Variants in DNAH14 observed in about 807,000 individuals in gnomAD.
DNAH14 encodes dynein axonemal heavy chain 14.
Under a neutral mutation model 520.9 loss-of-function variants are expected in DNAH14, and 478 were observed. The ratio of observed to expected loss-of-function variants is 0.92; its 90% CI spans 0.85 to 0.99. The LOEUF is 0.99. DNAH14 is among the 50% of genes least tolerant of loss of function. DNAH14 has a pLI of 0.00. For missense variants in DNAH14, 4,831 were observed against 5,234.5 expected (o/e 0.92, Z 2.38); for synonymous variants, 1,581 against 1,757.2 (o/e 0.90, Z 2.51).
intron 28 of DNAH14, among the ~76,000 whole-genome samples, chr1:225,142,611 T>C (rs1005220406): frequency 1.3e-5 from 2 of 152,110 alleles, no homozygotes; most frequent in Non-Finnish European, 2.9e-5. Context: ...AATAGGCATA[T>C]CTCATTAAGT....
intron 54 of DNAH14, among the ~76,000 whole-genome samples, chr1:225,283,677 C>T (rs574113607): frequency 6.8e-4 from 103 of 152,120 alleles, no homozygotes; most frequent in African/African-American, 2.4e-3. Flanking sequence ...TATAGTAAAA[C>T]AACTTGAACT....
chr1:225,230,657 A>G (rs1397505845), intron 41 of DNAH14, among the ~76,000 whole-genome samples: 1 of 152,152 alleles, frequency 6.6e-6, no homozygotes, highest in East Asian at 1.9e-4. Flanking sequence ...TTGTTTTAAT[A>G]AATTTGTTAC....
At chr1:225,177,551 A>G (rs2083463846) in intron 36 of DNAH14, among the ~76,000 whole-genome samples, 1 of 152,144 alleles carries the variant, frequency 6.6e-6, no homozygotes, top group African/African-American at 2.4e-5. Flanking sequence ...CTAGGAAGAA[A>G]AAATGGTTTC....
chr1:225,337,996 CTT>C, intron 67 of DNAH14, 63 bp from the exon 68 acceptor site: 3 of 1,294,584 alleles, frequency 2.3e-6, no homozygotes, highest in Non-Finnish European at 2.0e-6. Flanking sequence ...TTTATTGCTG[CTT>C]TTTTTTTTCA....
chr1:225,212,112 G>A (rs944422593), intron 41 of DNAH14, among the ~76,000 whole-genome samples: 13 of 133,402 alleles, frequency 9.7e-5, no homozygotes, highest in Non-Finnish European at 1.8e-4. Flanking sequence ...TGTGTCAAGT[G>A]TTCTCATTGT....
chr1:225,008,076 C>T (rs978657373), intron 10 of DNAH14, among the ~76,000 whole-genome samples: 1 of 151,748 alleles, frequency 6.6e-6, no homozygotes, highest in African/African-American at 2.4e-5. Context: ...CCTCCCCTTA[C>T]CCCCAACCCC....
intron 41 of DNAH14, among the ~76,000 whole-genome samples, chr1:225,221,437 C>G (rs12064759): frequency 0.021 from 3,237 of 152,138 alleles, 90 homozygotes; most frequent in African/African-American, 0.063. Context: ...CCAGAATCCA[C>G]AAGGAACTTA....
chr1:225,190,744 C>CAGTT (rs2085319666), intron 37 of DNAH14, among the ~76,000 whole-genome samples: 1 of 151,976 alleles, frequency 6.6e-6, no homozygotes, highest in African/African-American at 2.4e-5. Flanking sequence ...AGTGAGAAGG[C>CAGTT]AGTTATCAGC....
chr1:225,252,330 A>G lies in DNAH14; in HGVS notation c.6778A>G (p.Ile2260Val), dbSNP rs982148432. The G allele has an allele frequency of 6.5e-7, 1 of 1,549,866 alleles. No homozygotes were observed. Among genetic ancestry groups the G allele is most frequent in the Non-Finnish European group, 8.7e-7 (1 of 1,145,910 alleles). ...GINLPTGECSIFGYFVDIEQC... is the reference protein window; with the variant it reads ...GINLPTGECSVFGYFVDIEQC... ...CAACCTACCAACTGGTGAATGTTCC[A>G]TCTTTGGATATTTTGTGGATATAGA... The change falls in exon 44 of 86, where the codon ATC becomes GTC. Residue 2260 changes from isoleucine to valine, a missense_variant. Transcript: ENST00000682510.
chr1:225,352,013 G>T (rs2095371561), intron 72 of DNAH14, 130 bp downstream of exon 72: 1 of 671,408 alleles, frequency 1.5e-6, no homozygotes, highest in South Asian at 2.0e-5. Context: ...TACATTTTCA[G>T]CATGCACATG....
intron 27 of DNAH14, among the ~76,000 whole-genome samples, chr1:225,132,782 G>A (rs1167458022): frequency 1.3e-5 from 2 of 152,102 alleles, no homozygotes; most frequent in East Asian, 1.9e-4. Context: ...CTAGGTCTTT[G>A]AGGAATCGCC....
rs144930420 is a variant in DNAH14 at position 225,185,620 on chromosome 1, A to G, written c.5670+195A>G. ...TGATCATTACTAGTTTAAAGAAACTATTGTATATTTATTTTGTATCTAGGC... is the reference window on the plus strand; with the variant it reads ...TGATCATTACTAGTTTAAAGAAACTGTTGTATATTTATTTTGTATCTAGGC... On this transcript the variant is annotated intron_variant, in intron 37 of 85. Transcript: ENST00000682510. 1.4e-3 allele frequency among the ~76,000 whole-genome samples: 208 copies of G among 152,096 alleles called. 1 individual carries two copies. The highest frequency in any genetic ancestry group is 4.7e-3 in the African/African-American group (195 of 41,566).
intron 54 of DNAH14, among the ~76,000 whole-genome samples, chr1:225,285,687 T>C (rs1176670626): frequency 6.6e-6 from 1 of 151,938 alleles, no homozygotes; most frequent in Admixed American, 6.6e-5. Context: ...TGAGACCCCC[T>C]TCTTACAAAA....
In DNAH14 at chr1:225,377,272, G is replaced by C. The variant is rs1283723101; in HGVS notation, c.12552G>C (p.Lys4184Asn). The C allele has an allele frequency of 1.3e-6, 2 of 1,486,052 alleles. No homozygotes were observed. The highest frequency in any genetic ancestry group is 1.8e-6 in the Non-Finnish European group (2 of 1,115,540). The allele number at this position is 1,486,052 out of a possible 1,614,324, so 92.1% of individuals were successfully genotyped here. A position where few individuals can be genotyped will look rare whatever the true frequency, so the allele number is the denominator to read the frequency against. Reference sequence around the variant, plus strand: ...CAGTTCCAGGATCTGCAAGCATAAAGGACTACATACACATTATCCAGTCCT... The same window carrying C: ...CAGTTCCAGGATCTGCAAGCATAAACGACTACATACACATTATCCAGTCCT... ...CLPVPGSASI[K>N]DYIHIIQSLP... Residue 4184 changes from lysine (K) to asparagine (N), a missense_variant, in exon 79 of 86, where the codon AAG (lysine) becomes AAC (asparagine). Transcript: ENST00000682510.
At chr1:225,045,875 G>A (rs1446438674) in intron 15 of DNAH14, among the ~76,000 whole-genome samples, 3 of 151,982 alleles carry the variant, frequency 2.0e-5, no homozygotes, top group Admixed American at 6.6e-5. Flanking sequence ...CAGATATCTT[G>A]TTTCTCCTGA....
intron 23 of DNAH14, among the ~76,000 whole-genome samples, 163 bp from the exon 24 acceptor site, chr1:225,117,521 G>A (rs1179151332): frequency 6.6e-6 from 1 of 151,808 alleles, no homozygotes; most frequent in Non-Finnish European, 1.5e-5. Flanking sequence ...AGCAATTTAA[G>A]TATCACTTTC....
chr1:225,050,358 T>A lies in DNAH14; in HGVS notation c.2061T>A (p.Asp687Glu). The A allele has an allele frequency of 6.5e-7, 1 of 1,544,454 alleles. No individual in the cohort carries two copies. The highest frequency in any genetic ancestry group is 8.7e-7 in the Non-Finnish European group (1 of 1,144,828). ...ATTGTCACATCCTTTTTGAAACAGATCCTGCCTACCAAAATATAGTAAGTT... is the reference window on the plus strand; with the variant it reads ...ATTGTCACATCCTTTTTGAAACAGAACCTGCCTACCAAAATATAGTAAGTT... ...WPDCHILFET[D>E]PAYQNIIVNL... The change falls in exon 16 of 86, where the codon GAT (aspartate) becomes GAA (glutamate). Residue 687 changes from aspartate to glutamate, a missense_variant. Physicochemically the swap from Asp to Glu is conservative, Grantham distance 45. Transcript: ENST00000682510.
At position 225,275,913 on chromosome 1, in the gene DNAH14, G is replaced by A. The variant is rs2093456554; in HGVS notation, c.8011-1G>A. On this transcript the variant is annotated splice_acceptor_variant, in intron 52 of 85. Coordinates refer to ENST00000682510, the MANE Select transcript of DNAH14 (RefSeq NM_001367479.1). LOFTEE classifies it high-confidence loss of function. ...AGTGTTAAATTCTTATCTTACAATA[G>A]ATTCAGTGGACCCAAGAAAACCTGA... 2 of 331,408 alleles carry A rather than the reference G, an allele frequency of 6.0e-6. No homozygotes were observed. Among genetic ancestry groups the A allele is most frequent in the African/African-American group, 2.2e-5 (1 of 44,968 alleles). The allele number at this position is 331,408 out of a possible 1,614,324, so 20.5% of individuals were successfully genotyped here. A position where few individuals can be genotyped will look rare whatever the true frequency, so the allele number is the denominator to read the frequency against.
intron 41 of DNAH14, among the ~76,000 whole-genome samples, chr1:225,223,519 C>T (rs1464940773): frequency 6.6e-6 from 1 of 152,098 alleles, no homozygotes; most frequent in African/African-American, 2.4e-5. Flanking sequence ...TTGGAATTCG[C>T]CCATTTTTGT....
Sources: gnomAD v4.1 joint callset for allele counts (sites outside exome capture counted in the v4.1 genomes callset) on GRCh38, gnomAD v4.1.1 for gene constraint, MANE v1.5 for transcripts, NCBI Gene and HGNC (gene_info 2026-07-23, HGNC 2026-07-21) for gene names.